The following RBM6 variants were observed in gnomAD, a reference collection of about 807,000 sequenced individuals.
The protein encoded by RBM6 is RNA binding motif protein 6, also known as RNA-binding protein 6.
RBM6 carries 23 observed loss-of-function variants against 140.4 expected under a neutral mutation model. The observed-to-expected ratio is 0.16, with a 90% CI of 0.12 to 0.23. The LOEUF is 0.23. RBM6 is among the 10% of genes least tolerant of loss of function. The probability of loss-of-function intolerance (pLI) is 1.00; values close to 1 mark genes in which losing one functional copy is unlikely to be tolerated. For synonymous variants in RBM6, 439 were observed against 475.6 expected (o/e 0.92, Z 1.00); for missense variants, 1,139 against 1,386.7 (o/e 0.82, Z 2.84).
intron 6 of RBM6, among the ~76,000 whole-genome samples, chr3:50,044,230 A>G (rs767718919): frequency 1.6e-4 from 24 of 152,180 alleles, no homozygotes; most frequent in Admixed American, 5.2e-4. Context: ...CATGGCTTTC[A>G]TGACTCCTTT....
At chr3:49,980,639 G>A (rs2085265742) in intron 5 of RBM6, among the ~76,000 whole-genome samples, 2 of 151,068 alleles carry the variant, frequency 1.3e-5, no homozygotes, top group African/African-American at 4.9e-5. Flanking sequence ...GCGGGTGCCT[G>A]TAATCCCAGC....
In RBM6 at chr3:49,975,481, A is replaced by G. The variant is rs1047747286; in HGVS notation, c.1483+89A>G. Reference sequence around the variant, plus strand: ...TGTGCTACTTAAAATTTGTTTCAAGAAACCACAATTAAAATTTCCAGAAGC... The same window carrying G: ...TGTGCTACTTAAAATTTGTTTCAAGGAACCACAATTAAAATTTCCAGAAGC... On this transcript the variant is annotated intron_variant, in intron 5 of 20. Transcript: ENST00000266022. 3.7e-5 allele frequency: 42 copies of G among 1,150,326 alleles called. 1 individual carries two copies. In the East Asian group the frequency reaches 8.6e-4, roughly 24 times the overall value. 71.3% of individuals were successfully genotyped at this position (1,150,326 alleles called of 1,614,324 possible). A position where few individuals can be genotyped will look rare whatever the true frequency, so the allele number is the denominator to read the frequency against.
At chr3:49,994,382 A>T (rs2085972808) in intron 5 of RBM6, among the ~76,000 whole-genome samples, 1 of 152,170 alleles carries the variant, frequency 6.6e-6, no homozygotes, top group Non-Finnish European at 1.5e-5. Context: ...ATTTTAACAG[A>T]GCAAAGTACC....
chr3:50,053,716 A>G, intron 7 of RBM6, among the ~76,000 whole-genome samples: 1 of 152,214 alleles, frequency 6.6e-6, no homozygotes, highest in Non-Finnish European at 1.5e-5. Context: ...GCTCAGTGGC[A>G]AAAGTTCAGG....
In RBM6 at chr3:49,973,857, A is replaced by G. The variant is rs573654761; in HGVS notation, c.1414-1466A>G. On this transcript the variant is annotated intron_variant, in intron 4 of 20. Coordinates refer to ENST00000266022, the MANE Select transcript of RBM6 (RefSeq NM_005777.3). ...CGCCTCGGCCTCTCAAAGTGCTGAG[A>G]TTACACGCATGAGCCACCGCGCCCA... Among the ~76,000 whole-genome samples, 3 of 150,654 alleles carry G rather than the reference A, an allele frequency of 2.0e-5. No individual in the cohort carries two copies. The Admixed American group carries it at 2.0e-4, about 10-fold the overall frequency.
Position 49,951,722 on chromosome 3 carries a change from T to TTG in RBM6, c.-66-10853_-66-10852insGT, listed in dbSNP as rs1559516100. 1.9e-4 allele frequency among the ~76,000 whole-genome samples: 28 copies of TTG among 149,356 alleles called. 1 individual carries two copies. The highest frequency in any genetic ancestry group is 6.4e-4 in the South Asian group (3 of 4,714). ...TTATTATTATTATTATTATTATTTT[T>TTG]TTGTTGTTCTGTTTTTTTGAGGTGG... On this transcript the variant is annotated intron_variant, in intron 1 of 20. Transcript: ENST00000266022.
At chr3:50,014,118 A>C (rs561582032) in intron 6 of RBM6, among the ~76,000 whole-genome samples, 1 of 152,156 alleles carries the variant, frequency 6.6e-6, no homozygotes, top group South Asian at 2.1e-4. Flanking sequence ...CTTGCCGTGG[A>C]TTGTCTTATA....
chr3:50,067,219 G>A (rs2090153064), intron 17 of RBM6, among the ~76,000 whole-genome samples: 1 of 140,644 alleles, frequency 7.1e-6, no homozygotes, highest in African/African-American at 2.6e-5. Flanking sequence ...AAAAGCCGCA[G>A]CAGCTTATAC....
At chr3:49,996,139 G>A (rs1372923180) in intron 5 of RBM6, among the ~76,000 whole-genome samples, 1 of 152,116 alleles carries the variant, frequency 6.6e-6, no homozygotes, top group African/African-American at 2.4e-5. Context: ...AAGTTTCTCT[G>A]AGTGGGCATT....
chr3:50,036,198 T>C (rs2088528322), intron 6 of RBM6, among the ~76,000 whole-genome samples: 1 of 152,116 alleles, frequency 6.6e-6, no homozygotes, highest in Admixed American at 6.6e-5. Flanking sequence ...CCCAGCAGGG[T>C]CTCCCTTTTT....
chr3:50,008,527 C>T (rs1212858699), intron 6 of RBM6, among the ~76,000 whole-genome samples: 2 of 148,620 alleles, frequency 1.3e-5, no homozygotes, highest in South Asian at 4.3e-4. Context: ...AGCTTCATTA[C>T]CTCCTGGCTC....
chr3:49,972,334 A>G (rs543282107), intron 4 of RBM6, among the ~76,000 whole-genome samples, 186 bp downstream of exon 4: 35 of 152,324 alleles, frequency 2.3e-4, no homozygotes, highest in African/African-American at 8.2e-4. Flanking sequence ...AAACCAGGAA[A>G]TTGACCCTGG....
chr3:50,066,106 G>C, intron 16 of RBM6, 136 bp from the exon 17 acceptor site: 1 of 968,354 alleles, frequency 1.0e-6, no homozygotes, highest in Non-Finnish European at 1.5e-6. Context: ...TTTCATCTGG[G>C]AAATGAGCAG....
intron 6 of RBM6, among the ~76,000 whole-genome samples, chr3:50,022,609 C>T (rs1437430774): frequency 1.3e-5 from 2 of 151,934 alleles, no homozygotes; most frequent in Non-Finnish European, 2.9e-5. Flanking sequence ...GGATTACAGG[C>T]GTGAGCCACC....
intron 1 of RBM6, among the ~76,000 whole-genome samples, chr3:49,956,328 CTTTTTTTTTTTTTT>C (rs34467093): frequency 4.2e-5 from 3 of 72,006 alleles, no homozygotes; most frequent in East Asian, 3.8e-4. Flanking sequence ...CCCTCCCCCG[CTTTTTTTTTTTTTT>C]TTTTTTTTTT....
intron 1 of RBM6, among the ~76,000 whole-genome samples, chr3:49,957,326 G>C (rs1303077953): frequency 9.0e-6 from 1 of 110,518 alleles, no homozygotes; most frequent in Non-Finnish European, 1.9e-5. Flanking sequence ...TTTTTTTTTT[G>C]AAGTAGAGAG....
chr3:50,027,307 C>CT (rs1559603548), intron 6 of RBM6, among the ~76,000 whole-genome samples: 1 of 152,070 alleles, frequency 6.6e-6, no homozygotes, highest in South Asian at 2.1e-4. Flanking sequence ...GCCCTGAAAG[C>CT]TTTTTTTGTT....
intron 6 of RBM6, among the ~76,000 whole-genome samples, chr3:50,030,521 T>C (rs970819933): frequency 2.0e-5 from 3 of 152,210 alleles, no homozygotes; most frequent in Non-Finnish European, 4.4e-5. Context: ...TTTTATAGTT[T>C]ATGAATTTTA....
rs539227006 is a variant in RBM6, at chr3:49,997,592, T to C, written c.1484-1848T>C. Among the ~76,000 whole-genome samples, 3 of 152,324 alleles carry C rather than the reference T, an allele frequency of 2.0e-5. No homozygotes were observed. The South Asian group carries it at 6.2e-4, about 32-fold the overall frequency. On this transcript the variant is annotated intron_variant, in intron 5 of 20. Transcript: ENST00000266022. ...CACACACCTGGGTACTCCATTGATATGTTCTGTAGAGGTAATCAACACACT... is the reference window on the plus strand; with the variant it reads ...CACACACCTGGGTACTCCATTGATACGTTCTGTAGAGGTAATCAACACACT...
Sources: allele counts gnomAD v4.1 joint callset (sites outside exome capture counted in the v4.1 genomes callset), GRCh38; gene constraint gnomAD v4.1.1; transcripts MANE v1.5; gene names NCBI Gene and HGNC (gene_info 2026-07-23, HGNC 2026-07-21).